The following PLK1 variants were observed in gnomAD, a reference collection of about 807,000 sequenced individuals.
The protein encoded by PLK1 is polo like kinase 1, also known as serine/threonine-protein kinase PLK1.
PLK1 carries 6 observed loss-of-function variants against 56.7 expected under a neutral mutation model. That is an observed-to-expected ratio of 0.11 (90% CI 0.06 to 0.21). The LOEUF (loss-of-function observed/expected upper bound fraction) is 0.21, where lower values mean the gene tolerates loss of function less well. PLK1 is among the 10% of genes least tolerant of loss of function. PLK1 has a pLI of 1.00. For missense variants in PLK1, 546 were observed against 814.4 expected, an observed-to-expected ratio of 0.67 and a Z score of 4.01; for synonymous variants, 298 against 325.0, an observed-to-expected ratio of 0.92 and a Z score of 0.89.
rs374665298 is a variant in PLK1, at chr16:23,689,711, G to A, written c.1608+35G>A. ...AGGTCACCAGGCGCAGGAGAGAGCT[G>A]GGGTAGGCTCCGCATGCCTGGCAGT... On this transcript the variant is annotated intron_variant, in intron 9 of 9. Coordinates refer to ENST00000300093, the MANE Select transcript of PLK1 (RefSeq NM_005030.6). The surrounding 1 kb of genome is among the most constrained non-coding windows in gnomAD (Gnocchi z 4.8). 1.3e-6 allele frequency: 2 copies of A among 1,578,516 alleles called. No individual in the cohort carries two copies. The highest frequency in any genetic ancestry group is 2.7e-5 in the African/African-American group (2 of 74,272).
intron 2 of PLK1, among the ~76,000 whole-genome samples, chr16:23,680,551 C>T (rs772191124): frequency 1.1e-4 from 17 of 152,230 alleles, no homozygotes; most frequent in Non-Finnish European, 2.4e-4. Flanking sequence ...GGCTGGAAAA[C>T]AGCTGTCCCC....
In PLK1 at chr16:23,683,917, A is replaced by C; in HGVS notation, c.864A>C (p.Thr288=). 1 of 1,614,114 alleles carries C rather than the reference A, an allele frequency of 6.2e-7. No individual in the cohort carries two copies. ...CCCTCATCCAGAAGATGCTTCAGAC[A>C]GATCCCACTGCCCGCCCAACCATTA... ...AASLIQKMLQ[T]DPTARPTINE... is the part of the protein sequence containing the mutation. Residue 288 remains threonine (T), a synonymous_variant, in exon 5 of 10, where the codon ACA becomes ACC. Transcript: ENST00000300093.
chr16:23,689,973 G>C lies in PLK1; in HGVS notation c.1722G>C (p.Lys574Asn), dbSNP rs770360171. The C allele has an allele frequency of 1.2e-6, 2 of 1,613,758 alleles. No homozygotes were observed. The highest frequency in any genetic ancestry group is 1.7e-6 in the Non-Finnish European group (2 of 1,180,000). The change falls in exon 10 of 10, where the codon AAG (lysine) becomes AAC (asparagine). Residue 574 changes from lysine (K) to asparagine (N), a missense_variant. Physicochemically the swap from Lys to Asn is moderately conservative, Grantham distance 94. Transcript: ENST00000300093. The surrounding 1 kb of genome is among the most constrained non-coding windows in gnomAD (Gnocchi z 4.8). The part of the protein sequence containing the change: ...LSLLEEYGCC[K>N]ELASRLRYAR... Reference sequence around the variant, plus strand: ...TCCTGGAGGAGTACGGCTGCTGCAAGGAGCTGGCCAGCCGGCTCCGCTACG... The same window carrying C: ...TCCTGGAGGAGTACGGCTGCTGCAACGAGCTGGCCAGCCGGCTCCGCTACG...
intron 6 of PLK1, 64 bp from the exon 7 acceptor site, chr16:23,688,604 T>G: frequency 7.2e-6 from 9 of 1,246,840 alleles, no homozygotes; most frequent in Non-Finnish European, 1.1e-5. Context: ...GTGGGCCACA[T>G]GTGTGGAGCA....
At chr16:23,681,226 A>G (rs761383099) in intron 3 of PLK1, among the ~76,000 whole-genome samples, 168 bp downstream of exon 3, 1 of 152,180 alleles carries the variant, frequency 6.6e-6, no homozygotes, top group Non-Finnish European at 1.5e-5. Flanking sequence ...TTTCCCTGTC[A>G]CTGGTGTATC....
At position 23,689,300 on chromosome 16, in the gene PLK1, T is replaced by C. The variant is rs1174025932; in HGVS notation, c.1333T>C (p.Tyr445His). Residue 445 changes from tyrosine to histidine, a missense_variant, in exon 8 of 10, where the codon TAC becomes CAC. This residue lies in a region of PLK1 where 113 missense variants were observed against 202.0 expected (regional missense o/e 0.56). Coordinates refer to ENST00000300093, the MANE Select transcript of PLK1 (RefSeq NM_005030.6). The surrounding 1 kb of genome is among the most constrained non-coding windows in gnomAD (Gnocchi z 4.8). ...CAATGACTCAACACGCCTCATCCTCTACAATGATGGTGACAGCCTGCAGTA... is the reference window on the plus strand; with the variant it reads ...CAATGACTCAACACGCCTCATCCTCCACAATGATGGTGACAGCCTGCAGTA... ...LFNDSTRLIL[Y>H]NDGDSLQYIE... is the part of the protein sequence containing the mutation. 1 of 1,613,772 alleles carries C rather than the reference T, an allele frequency of 6.2e-7. No homozygotes were observed. The highest frequency in any genetic ancestry group is 2.2e-5 in the East Asian group (1 of 44,884).
In PLK1 at chr16:23,688,443, C is replaced by T. The variant is rs371567827; in HGVS notation, c.1193-225C>T. 5.3e-5 allele frequency among the ~76,000 whole-genome samples: 8 copies of T among 152,320 alleles called. No homozygotes were observed. In the East Asian group the frequency reaches 1.4e-3, roughly 26 times the overall value. The stretch of plus-strand genomic sequence containing the variant: ...ATGAAGGAGTGAGTGGAACTTGGTG[C>T]GCTGTGCTGAGACTTTCTCTGCAGA... On this transcript the variant is annotated intron_variant, in intron 6 of 9. Transcript: ENST00000300093.
Position 23,679,161 on chromosome 16 carries a change from G to A in PLK1, c.229G>A (p.Glu77Lys). 1 of 1,613,946 alleles carries A rather than the reference G, an allele frequency of 6.2e-7. No individual in the cohort carries two copies. Among genetic ancestry groups the A allele is most frequent in the Non-Finnish European group, 8.5e-7 (1 of 1,179,946 alleles). The change falls in exon 1 of 10, where the codon GAG (glutamate) becomes AAG (lysine). Residue 77 changes from glutamate to lysine, a missense_variant. Physicochemically the swap from Glu to Lys is moderately conservative, Grantham distance 56. This residue lies in a region of PLK1 where 111 missense variants were observed against 211.8 expected (regional missense o/e 0.52). Coordinates refer to ENST00000300093, the MANE Select transcript of PLK1 (RefSeq NM_005030.6). ...CGAGATCTCGGACGCGGACACCAAG[G>A]AGGTGTTCGCGGGCAAGATTGTGCC... ...CFEISDADTK[E>K]VFAGKIVPKS...
At chr16:23,682,523 TC>T (rs150494113) in intron 4 of PLK1, among the ~76,000 whole-genome samples, 1 of 136,298 alleles carries the variant, frequency 7.3e-6, no homozygotes, top group Non-Finnish European at 1.6e-5. Context: ...ATGGCCTGCA[TC>T]TTTTTTTTTT....
Position 23,687,598 on chromosome 16 carries a change from C to T in PLK1, c.1166C>T (p.Pro389Leu). Residue 389 changes from proline (P) to leucine (L), a missense_variant, in exon 6 of 10, where the codon CCC (proline) becomes CTC (leucine). Physicochemically the swap from Pro to Leu is moderately conservative, Grantham distance 98. This residue lies in a region of PLK1 where 157 missense variants were observed against 184.0 expected (regional missense o/e 0.85). Coordinates refer to ENST00000300093, the MANE Select transcript of PLK1 (RefSeq NM_005030.6). Reference sequence around the variant, plus strand: ...CTGCACAGTGTCAATGCCTCCAAGCCCTCGGAGCGTGGGCTGGTCAGGCAA... The same window carrying T: ...CTGCACAGTGTCAATGCCTCCAAGCTCTCGGAGCGTGGGCTGGTCAGGCAA... ...QQLHSVNASK[P>L]SERGLVRQEE... 2 of 1,594,834 alleles carry T rather than the reference C, an allele frequency of 1.3e-6. No homozygotes were observed. Among genetic ancestry groups the T allele is most frequent in the Non-Finnish European group, 1.7e-6 (2 of 1,167,570 alleles).
At position 23,684,849 on chromosome 16, in the gene PLK1, G is replaced by A. The variant is rs983881698; in HGVS notation, c.1036+760G>A. On this transcript the variant is annotated intron_variant, in intron 5 of 9. Coordinates refer to ENST00000300093, the MANE Select transcript of PLK1 (RefSeq NM_005030.6). ...TTTTTTTGTATCTTTTAGTAGAGAC[G>A]GGGTTTCACTGTGTTAGCCAGGATG... Among the ~76,000 whole-genome samples the A allele has an allele frequency of 7.9e-5, 12 of 151,418 alleles. No individual in the cohort carries two copies. The East Asian group carries it at 9.7e-4, about 12-fold the overall frequency.
In PLK1 at chr16:23,690,012, G is replaced by T. The variant is rs1234849332; in HGVS notation, c.1761G>T (p.Val587=). The change falls in exon 10 of 10, where the codon GTG becomes GTT. Residue 587 remains valine (V), a synonymous_variant. Coordinates refer to ENST00000300093, the MANE Select transcript of PLK1 (RefSeq NM_005030.6). ...GGCTCCGCTACGCCCGCACTATGGT[G>T]GACAAGCTGCTGAGCTCACGCTCGG... The part of the protein sequence containing the change: ...ASRLRYARTM[V]DKLLSSRSAS... 1 of 1,613,202 alleles carries T rather than the reference G, an allele frequency of 6.2e-7. No individual in the cohort carries two copies. Among genetic ancestry groups the T allele is most frequent in the Non-Finnish European group, 8.5e-7 (1 of 1,180,002 alleles).
chr16:23,686,106 G>A (rs1156606422), intron 5 of PLK1, among the ~76,000 whole-genome samples: 3 of 151,354 alleles, frequency 2.0e-5, no homozygotes, highest in Non-Finnish European at 2.9e-5. Context: ...TGGCACAGTC[G>A]TACCTCACAG....
chr16:23,687,888 A>T (rs1320193257), intron 6 of PLK1: 2 of 271,700 alleles, frequency 7.4e-6, no homozygotes, highest in African/African-American at 4.4e-5. Flanking sequence ...TATCTTCAAG[A>T]CCCTTGAAAT....
rs184607927 is a variant in PLK1, at chr16:23,681,505, G to A, written c.722+447G>A. Among the ~76,000 whole-genome samples, 5 of 152,368 alleles carry A rather than the reference G, an allele frequency of 3.3e-5. No homozygotes were observed. In the East Asian group the frequency reaches 9.6e-4, roughly 29 times the overall value. Reference sequence around the variant, plus strand: ...GGGGGAAATTAGGCCAGGAGTTACAGATGGAAAGATGATGTGCCAGTGGTC... The same window carrying A: ...GGGGGAAATTAGGCCAGGAGTTACAAATGGAAAGATGATGTGCCAGTGGTC... On this transcript the variant is annotated intron_variant, in intron 3 of 9. Transcript: ENST00000300093.
chr16:23,678,986 GAAAGCCGGGGTCCCCGGA>G lies in PLK1; in HGVS notation c.55_72del (p.Lys19_Gly24del). On this transcript the variant is annotated inframe_deletion, in exon 1 of 10. Coordinates refer to ENST00000300093, the MANE Select transcript of PLK1 (RefSeq NM_005030.6). The stretch of plus-strand genomic sequence containing the variant: ...TGGCACGGGCACCGGCCGACCCTGG[GAAAGCCGGGGTCCCCGGA>G]GTTGCAGCTCCCGGAGCTCCGGCGG... 6.3e-7 allele frequency: 1 copy of G among 1,598,384 alleles called. No individual in the cohort carries two copies. The highest frequency in any genetic ancestry group is 8.5e-7 in the Non-Finnish European group (1 of 1,173,096).
chr16:23,679,524 G>A (rs927330239), intron 1 of PLK1, 184 bp downstream of exon 1: 10 of 589,756 alleles, frequency 1.7e-5, no homozygotes, highest in African/African-American at 1.7e-4. Context: ...GGCTCTGGGA[G>A]CTGCTAGAGG....
rs1194784969 is a variant in PLK1, at chr16:23,681,144, C to G, written c.722+86C>G. ...TACCTGGCTGACCTTTTCTGTGGAC[C>G]TTTCGGCCTGCTTTACAGAAAGCCT... On this transcript the variant is annotated intron_variant, in intron 3 of 9. Transcript: ENST00000300093. 4 of 1,205,178 alleles carry G rather than the reference C, an allele frequency of 3.3e-6. No homozygotes were observed. In the African/African-American group the frequency reaches 6.1e-5, roughly 18 times the overall value. 74.7% of individuals were successfully genotyped at this position (1,205,178 alleles called of 1,614,324 possible).
rs533641657 is a variant in PLK1 at position 23,678,890 on chromosome 16, G to A, written c.-43G>A. ...ATTCGGGGAGGAGCGGAGCGGTGCG[G>A]AGGCTCTGCTCGGATCGAGGTCTGC... is the stretch of plus-strand genomic sequence containing the variant. On this transcript the variant is annotated 5_prime_UTR_variant, in exon 1 of 10. Coordinates refer to ENST00000300093, the MANE Select transcript of PLK1 (RefSeq NM_005030.6). 4.6e-4 allele frequency: 656 copies of A among 1,429,044 alleles called. 3 individuals are homozygous for A. In the Middle Eastern group the frequency reaches 6.3e-3, roughly 14 times the overall value. 88.5% of individuals were successfully genotyped at this position (1,429,044 alleles called of 1,614,324 possible). A position where few individuals can be genotyped will look rare whatever the true frequency, so the allele number is the denominator to read the frequency against.
Sources: gnomAD v4.1 joint callset for allele counts (sites outside exome capture counted in the v4.1 genomes callset) on GRCh38, gnomAD v4.1.1 for gene constraint, gnomAD v4.1.1 regional missense constraint, Gnocchi (gnomAD v3.1) non-coding constraint, MANE v1.5 for transcripts, NCBI Gene and HGNC (gene_info 2026-07-23, HGNC 2026-07-21) for gene names.